GNB1: variants seen among roughly 807,000 people sequenced by gnomAD.
The protein encoded by GNB1 is guanine nucleotide-binding protein G(I)/G(S)/G(T) subunit beta-1.
In GNB1, 2 loss-of-function variants were observed where a neutral mutation model predicts 42.9. That is an observed-to-expected ratio of 0.05 (90% CI 0.02 to 0.15). The LOEUF is 0.15. Among genes scored for constraint, GNB1 ranks in the 10% least tolerant of loss-of-function variants. The probability of loss-of-function intolerance (pLI) is 1.00; values close to 1 mark genes in which losing one functional copy is unlikely to be tolerated. For missense variants in GNB1, 193 were observed against 462.2 expected, an observed-to-expected ratio of 0.42 and a Z score of 5.34; for synonymous variants, 183 against 174.7, an observed-to-expected ratio of 1.05 and a Z score of -0.38.
rs537176887 is a variant in GNB1, at chr1:1,886,991, G to C, written c.-96+3829C>G. ...GCCTCCCAAAGTGCTGGGATTACAG[G>C]TGTGAGCCACCACGCCCGGTCAAAC... On this transcript the variant is annotated intron_variant, in intron 1 of 11. Coordinates refer to ENST00000378609, the MANE Select transcript of GNB1 (RefSeq NM_002074.5). 4.1e-4 allele frequency among the ~76,000 whole-genome samples: 62 copies of C among 152,302 alleles called. 1 individual carries two copies. Among genetic ancestry groups the C allele is most frequent in the East Asian group, 3.5e-3 (18 of 5,182 alleles).
chr1:1,801,818 G>A (rs1454611042), intron 7 of GNB1, among the ~76,000 whole-genome samples: 2 of 152,080 alleles, frequency 1.3e-5, no homozygotes, highest in Non-Finnish European at 2.9e-5. Flanking sequence ...TTCCAAAGGC[G>A]GGCAGAAAAA....
chr1:1,808,201 T>C (rs1161444312), intron 5 of GNB1, among the ~76,000 whole-genome samples: 1 of 151,748 alleles, frequency 6.6e-6, no homozygotes, highest in Admixed American at 6.6e-5. Context: ...ACGGGGTTTC[T>C]CCACGTTAAT....
At chr1:1,879,823 C>T (rs1380587297) in intron 1 of GNB1, among the ~76,000 whole-genome samples, 2 of 152,082 alleles carry the variant, frequency 1.3e-5, no homozygotes, top group Non-Finnish European at 2.9e-5. Context: ...ATCTTCACAT[C>T]GTGTCTGCTC....
intron 1 of GNB1, among the ~76,000 whole-genome samples, chr1:1,839,907 C>T (rs1647202350): frequency 6.6e-6 from 1 of 152,034 alleles, no homozygotes; most frequent in South Asian, 2.1e-4. Context: ...GTAATCCCAA[C>T]ACTTTGGGAG....
At chr1:1,881,722 A>G (rs1357889700) in intron 1 of GNB1, among the ~76,000 whole-genome samples, 1 of 152,218 alleles carries the variant, frequency 6.6e-6, no homozygotes, top group African/African-American at 2.4e-5. Context: ...CTCTTTATCC[A>G]GACTGTAAAC....
chr1:1,798,619 G>T (rs535012010), intron 7 of GNB1, among the ~76,000 whole-genome samples: 3 of 152,354 alleles, frequency 2.0e-5, no homozygotes, highest in Non-Finnish European at 4.4e-5. Context: ...AAAGAACAAA[G>T]CTCTAAGAGC....
At chr1:1,820,582 T>C (rs1161165943) in intron 3 of GNB1, among the ~76,000 whole-genome samples, 2 of 152,152 alleles carry the variant, frequency 1.3e-5, no homozygotes, top group Non-Finnish European at 1.5e-5. Context: ...TGAATTTTAC[T>C]GGCAAGTACT....
intron 1 of GNB1, among the ~76,000 whole-genome samples, chr1:1,857,169 T>G (rs1557932771): frequency 6.6e-6 from 1 of 152,124 alleles, no homozygotes; most frequent in African/African-American, 2.4e-5. Context: ...TACCCCCACT[T>G]CAAAAGTCTA....
In GNB1 at chr1:1,787,750, CA is replaced by C. The variant is rs1646425392; in HGVS notation, c.917-314del. Among the ~76,000 whole-genome samples the C allele has an allele frequency of 6.6e-6, 1 of 152,126 alleles. No homozygotes were observed. The highest frequency in any genetic ancestry group is 1.5e-5 in the Non-Finnish European group (1 of 68,022). On this transcript the variant is annotated intron_variant, in intron 10 of 11. Transcript: ENST00000378609. This position sits in a 1 kb window ranked among gnomAD's most constrained non-coding sequence, Gnocchi z 4.4. ...CCACTATCAAAAAAATCAAAACTAT[CA>C]TCAGACGCAGTGGCTTAGGCCTGTA...
intron 6 of GNB1, 47 bp from the exon 7 acceptor site, chr1:1,804,628 C>T (rs1431786637): frequency 2.1e-6 from 3 of 1,403,050 alleles, no homozygotes; most frequent in Admixed American, 2.2e-5. Context: ...TGTTCAAAAA[C>T]AACACTGACA....
intron 1 of GNB1, among the ~76,000 whole-genome samples, chr1:1,873,863 G>A (rs370077656): frequency 6.6e-6 from 1 of 152,218 alleles, no homozygotes. Context: ...ATTCTCCATG[G>A]TGGAGCAGGA....
intron 7 of GNB1, among the ~76,000 whole-genome samples, chr1:1,803,054 G>A (rs956884558): frequency 6.6e-6 from 1 of 152,230 alleles, no homozygotes; most frequent in Non-Finnish European, 1.5e-5. Flanking sequence ...CTTAATGGGT[G>A]TCAACTGTAG....
chr1:1,879,568 G>A (rs1253885509), intron 1 of GNB1, among the ~76,000 whole-genome samples: 1 of 151,966 alleles, frequency 6.6e-6, no homozygotes, highest in Non-Finnish European at 1.5e-5. Context: ...AGCCAGGCGT[G>A]GTGGCAGGCA....
chr1:1,838,475 C>T (rs552793284), intron 2 of GNB1, among the ~76,000 whole-genome samples: 2 of 147,154 alleles, frequency 1.4e-5, no homozygotes, highest in Admixed American at 6.8e-5. Flanking sequence ...GACGGAGTCT[C>T]GCTCTGTCCC....
chr1:1,876,319 T>G (rs1267615675), intron 1 of GNB1, among the ~76,000 whole-genome samples: 1 of 152,096 alleles, frequency 6.6e-6, no homozygotes, highest in Non-Finnish European at 1.5e-5. Context: ...TTGTTTTTTT[T>G]TAATAGAGAC....
chr1:1,810,546 A>G (rs1025645796), intron 5 of GNB1, among the ~76,000 whole-genome samples: 5 of 151,986 alleles, frequency 3.3e-5, no homozygotes, highest in Admixed American at 3.3e-4. Flanking sequence ...AAAAAAAAAA[A>G]AAAAAAAAAA....
intron 5 of GNB1, among the ~76,000 whole-genome samples, chr1:1,812,992 G>A (rs1474342576): frequency 6.6e-6 from 1 of 151,990 alleles, no homozygotes; most frequent in Non-Finnish European, 1.5e-5. Context: ...CTGAGTACCT[G>A]AACACTGCCC....
chr1:1,822,118 G>GA (rs1410438731), intron 3 of GNB1, among the ~76,000 whole-genome samples: 3 of 151,784 alleles, frequency 2.0e-5, no homozygotes, highest in African/African-American at 7.3e-5. Flanking sequence ...ACAAAAAAAT[G>GA]AAAAAAACCT....
intron 1 of GNB1, among the ~76,000 whole-genome samples, chr1:1,884,101 G>A (rs1650012997): frequency 6.7e-6 from 1 of 150,112 alleles, no homozygotes; most frequent in Non-Finnish European, 1.5e-5. Context: ...GAGTAGCTGA[G>A]ATTACAGGCA....
Sources: gnomAD v4.1 joint callset for allele counts (sites outside exome capture counted in the v4.1 genomes callset) on GRCh38, gnomAD v4.1.1 for gene constraint, Gnocchi (gnomAD v3.1) non-coding constraint, MANE v1.5 for transcripts, NCBI Gene and HGNC (gene_info 2026-07-23, HGNC 2026-07-21) for gene names.